The following KCNQ3 variants were observed in gnomAD, a reference collection of about 807,000 sequenced individuals.
KCNQ3 encodes potassium voltage-gated channel subfamily KQT member 3.
Under a neutral mutation model 92.5 loss-of-function variants are expected in KCNQ3, and 30 were observed. The observed-to-expected ratio is 0.32, with a 90% CI of 0.24 to 0.44. The LOEUF is 0.44. Ranked by LOEUF, KCNQ3 falls within the 20% of genes least tolerant of loss-of-function variation. The pLI is 1.00. For synonymous variants in KCNQ3, 450 were observed against 468.8 expected, an observed-to-expected ratio of 0.96 and a Z score of 0.52; for missense variants, 913 against 1,140.3, an observed-to-expected ratio of 0.80 and a Z score of 2.87.
chr8:132,480,670 A>ACC lies in KCNQ3; in HGVS notation c.-140_-139dup, dbSNP rs879019805. The ACC allele has an allele frequency of 0.14, 99,477 of 718,494 alleles. 3,021 individuals carry two copies. The highest frequency in any genetic ancestry group is 0.18 in the South Asian group (3,397 of 19,034). The allele number at this position is 718,494 out of a possible 1,614,324, so 44.5% of individuals were successfully genotyped here. A position where few individuals can be genotyped will look rare whatever the true frequency, so the allele number is the denominator to read the frequency against. On this transcript the variant is annotated 5_prime_UTR_variant, in exon 1 of 15. Transcript: ENST00000388996. ...TGCCATGATCCGCGCGCCCCTCCCC[A>ACC]CCCCCCCCCAAAAGCAGGCAAAGGC...
chr8:132,141,278 T>C lies in KCNQ3; in HGVS notation c.1316A>G (p.Asn439Ser), dbSNP rs1825288351. Residue 439 changes from asparagine to serine, a missense_variant, in exon 10 of 15, where the codon AAT becomes AGT. This residue lies in a region of KCNQ3 where 182 missense variants were observed against 234.5 expected (regional missense o/e 0.78). Transcript: ENST00000388996. ...RVRLSNPRGS[N>S]TKGKLFTPLN... ...AGGGGTAAATAGCTTTCCTTTAGTATTGCTACCACGAGGATTAGAAAGGCG... is the reference window on the plus strand; with the variant it reads ...AGGGGTAAATAGCTTTCCTTTAGTACTGCTACCACGAGGATTAGAAAGGCG... The C allele has an allele frequency of 3.7e-6, 6 of 1,614,214 alleles. No individual in the cohort carries two copies. The highest frequency in any genetic ancestry group is 1.1e-5 in the South Asian group (1 of 91,084).
chr8:132,404,869 T>C (rs17601112), intron 1 of KCNQ3, among the ~76,000 whole-genome samples: 4,465 of 152,290 alleles, frequency 0.029, 82 homozygotes, highest in Non-Finnish European at 0.046. Flanking sequence ...AATAACCCCA[T>C]TGTCCTGATT....
chr8:132,300,047 C>G (rs915486040), intron 1 of KCNQ3, among the ~76,000 whole-genome samples: 2 of 152,196 alleles, frequency 1.3e-5, no homozygotes, highest in African/African-American at 4.8e-5. Flanking sequence ...AAGTCCCTGA[C>G]TGAGGACAAG....
chr8:132,389,514 A>G (rs1466070632), intron 1 of KCNQ3, among the ~76,000 whole-genome samples: 1 of 152,222 alleles, frequency 6.6e-6, no homozygotes, highest in South Asian at 2.1e-4. Flanking sequence ...GAAACACCAC[A>G]GAGTGAGAAA....
intron 1 of KCNQ3, among the ~76,000 whole-genome samples, chr8:132,307,832 C>A (rs1817473143): frequency 6.6e-6 from 1 of 152,136 alleles, no homozygotes; most frequent in African/African-American, 2.4e-5. Flanking sequence ...AATGTTCATC[C>A]CATTCATATC....
At chr8:132,156,592 T>C (rs1825801868) in intron 9 of KCNQ3, among the ~76,000 whole-genome samples, 1 of 152,244 alleles carries the variant, frequency 6.6e-6, no homozygotes, top group Non-Finnish European at 1.5e-5. Context: ...AGGGGGATAA[T>C]ACAATCTAAA....
intron 1 of KCNQ3, among the ~76,000 whole-genome samples, chr8:132,337,473 C>T (rs924219733): frequency 6.6e-6 from 1 of 152,072 alleles, no homozygotes; most frequent in African/African-American, 2.4e-5. Flanking sequence ...CACTGTACTC[C>T]AGCCTGGGCG....
intron 1 of KCNQ3, among the ~76,000 whole-genome samples, chr8:132,273,603 G>A (rs1816232155): frequency 6.6e-6 from 1 of 152,204 alleles, no homozygotes; most frequent in Non-Finnish European, 1.5e-5. Context: ...TAGTGGGCCT[G>A]AATTTCTCCT....
At chr8:132,415,939 G>C (rs562393775) in intron 1 of KCNQ3, among the ~76,000 whole-genome samples, 5 of 152,188 alleles carry the variant, frequency 3.3e-5, no homozygotes, top group East Asian at 1.9e-4. Flanking sequence ...ATGTGCATGA[G>C]AGCCCATCTG....
At chr8:132,316,909 G>A (rs2130625143) in intron 1 of KCNQ3, among the ~76,000 whole-genome samples, 1 of 152,258 alleles carries the variant, frequency 6.6e-6, no homozygotes, top group East Asian at 1.9e-4. Flanking sequence ...TCATGTCGTT[G>A]GTGGTATTTT....
Position 132,168,967 on chromosome 8 carries a change from A to G in KCNQ3, c.1235+1367T>C, listed in dbSNP as rs151010340. The stretch of plus-strand genomic sequence containing the variant: ...GTCAAGGGTTCTAGGAGTCCAGCAC[A>G]CTACCCATACGCTTAACAATCTGAG... On this transcript the variant is annotated intron_variant, in intron 8 of 14. Transcript: ENST00000388996. Among the ~76,000 whole-genome samples, 5 of 152,224 alleles carry G rather than the reference A, an allele frequency of 3.3e-5. No individual in the cohort carries two copies. In the East Asian group the frequency reaches 7.7e-4, roughly 24 times the overall value.
intron 1 of KCNQ3, among the ~76,000 whole-genome samples, chr8:132,389,975 C>G (rs1307477853): frequency 1.3e-5 from 2 of 152,194 alleles, no homozygotes; most frequent in Non-Finnish European, 2.9e-5. Context: ...CATACAAAAA[C>G]ACTCCTAACA....
chr8:132,179,782 C>G (rs1460397289), intron 4 of KCNQ3, among the ~76,000 whole-genome samples: 1 of 152,144 alleles, frequency 6.6e-6, no homozygotes, highest in Non-Finnish European at 1.5e-5. Context: ...CTTCTTCTCC[C>G]ACTGCATGTG....
intron 1 of KCNQ3, among the ~76,000 whole-genome samples, chr8:132,275,581 CT>C (rs35090240): frequency 0.44 from 62,158 of 141,328 alleles, 15,041 homozygotes; most frequent in East Asian, 0.68. Context: ...CCAGTGAAAC[CT>C]TTTTTTTTTT....
intron 1 of KCNQ3, chr8:132,187,125 G>A: frequency 2.2e-6 from 1 of 455,432 alleles, no homozygotes; most frequent in East Asian, 7.0e-5. Context: ...GTTTATGGGT[G>A]AAGCTTGGTA....
chr8:132,384,851 A>G (rs1211151011), intron 1 of KCNQ3, among the ~76,000 whole-genome samples: 1 of 152,190 alleles, frequency 6.6e-6, no homozygotes, highest in East Asian at 1.9e-4. Context: ...AAATGGAAAC[A>G]CTGATAGTAC....
intron 1 of KCNQ3, among the ~76,000 whole-genome samples, chr8:132,438,664 T>C (rs1798941450): frequency 6.6e-6 from 1 of 151,988 alleles, no homozygotes; most frequent in African/African-American, 2.4e-5. Flanking sequence ...GGTCTGGTCA[T>C]TCTCTGTGGC....
In KCNQ3 at chr8:132,129,885, G is replaced by A; in HGVS notation, c.1996C>T (p.Pro666Ser). The change falls in exon 15 of 15, where the codon CCA becomes TCA. Residue 666 changes from proline to serine, a missense_variant. Pro to Ser is a moderately conservative substitution (Grantham distance 74, BLOSUM62 -1). Around this residue, in one of 6 missense-constraint regions of KCNQ3, gnomAD observed 375 missense variants for 376.4 expected, o/e 1.00. Transcript: ENST00000388996. The surrounding 1 kb of genome is among the most constrained non-coding windows in gnomAD (Gnocchi z 5.9). Reference protein sequence around the residue: ...EYYPTKGTSSPAEAEKKEDNR... With the variant: ...EYYPTKGTSSSAEAEKKEDNR... ...TCCTCCTTCTTCTCTGCTTCAGCTGGCGAGGAGGTGCCCTTGGTTGGGTAA... is the reference window on the plus strand; with the variant it reads ...TCCTCCTTCTTCTCTGCTTCAGCTGACGAGGAGGTGCCCTTGGTTGGGTAA... 6.2e-7 allele frequency: 1 copy of A among 1,614,066 alleles called. No individual in the cohort carries two copies. Among genetic ancestry groups the A allele is most frequent in the South Asian group, 1.1e-5 (1 of 91,068 alleles).
At chr8:132,237,420 A>G (rs1458385816) in intron 1 of KCNQ3, among the ~76,000 whole-genome samples, 1 of 152,148 alleles carries the variant, frequency 6.6e-6, no homozygotes, top group Non-Finnish European at 1.5e-5. Flanking sequence ...TTTCATCTTT[A>G]TTTGCAGCTG....
Sources: allele counts gnomAD v4.1 joint callset (sites outside exome capture counted in the v4.1 genomes callset), GRCh38; gene constraint gnomAD v4.1.1; regional missense constraint gnomAD v4.1.1; non-coding constraint Gnocchi (gnomAD v3.1); transcripts MANE v1.5; gene names NCBI Gene and HGNC (gene_info 2026-07-23, HGNC 2026-07-21).